Variants in PPM1H observed in about 807,000 individuals in gnomAD.
PPM1H encodes protein phosphatase, Mg2+/Mn2+ dependent 1H.
A neutral mutation model predicts 54.9 loss-of-function variants in PPM1H; 27 were observed. That is an observed-to-expected ratio of 0.49 (90% CI 0.36 to 0.68). The LOEUF (loss-of-function observed/expected upper bound fraction) is 0.68, where lower values mean the gene tolerates loss of function less well. Among genes scored for constraint, PPM1H ranks in the 30% least tolerant of loss-of-function variants. The pLI is 0.00. For synonymous variants in PPM1H, 305 were observed against 270.8 expected, an observed-to-expected ratio of 1.13 and a Z score of -1.24; for missense variants, 596 against 667.8, an observed-to-expected ratio of 0.89 and a Z score of 1.19.
intron 2 of PPM1H, among the ~76,000 whole-genome samples, chr12:62,809,394 AC>A (rs1225897646): frequency 1.6e-4 from 25 of 152,172 alleles, no homozygotes; most frequent in African/African-American, 5.8e-4. Flanking sequence ...CTTCTTTCCT[AC>A]CTGGTTCTCC....
In PPM1H at chr12:62,645,034, C is replaced by G. The variant is rs1340722129; in HGVS notation, c.*3455G>C. Reference sequence around the variant, plus strand: ...AACCTGTGGAAGGAAAACCAGTGACCACTTGTGGCCTTATAAAGTTGATTG... The same window carrying G: ...AACCTGTGGAAGGAAAACCAGTGACGACTTGTGGCCTTATAAAGTTGATTG... On this transcript the variant is annotated 3_prime_UTR_variant, in exon 10 of 10. Transcript: ENST00000228705. The G allele has an allele frequency of 1.3e-5, 2 of 152,208 alleles. No individual in the cohort carries two copies. Among genetic ancestry groups the G allele is most frequent in the Non-Finnish European group, 2.9e-5 (2 of 68,044 alleles). The allele number at this position is 152,208 out of a possible 1,614,324, so 9.4% of individuals were successfully genotyped here. A position where few individuals can be genotyped will look rare whatever the true frequency, so the allele number is the denominator to read the frequency against.
chr12:62,670,504 T>G (rs1280221870), intron 8 of PPM1H, among the ~76,000 whole-genome samples: 2 of 152,068 alleles, frequency 1.3e-5, no homozygotes, highest in Non-Finnish European at 2.9e-5. Context: ...ATGAGTAGGG[T>G]GCCAAACCCT....
At chr12:62,855,101 G>A (rs2120948563) in intron 1 of PPM1H, among the ~76,000 whole-genome samples, 1 of 151,764 alleles carries the variant, frequency 6.6e-6, no homozygotes, top group South Asian at 2.1e-4. Context: ...GATAAAGAAT[G>A]TACTGATCCC....
intron 9 of PPM1H, among the ~76,000 whole-genome samples, chr12:62,656,117 T>C (rs549267504): frequency 1.3e-5 from 2 of 152,350 alleles, no homozygotes; most frequent in Admixed American, 6.5e-5. Flanking sequence ...AAATCCTCGA[T>C]TGTCCTCTTG....
At chr12:62,736,492 G>A (rs2076350168) in intron 5 of PPM1H, among the ~76,000 whole-genome samples, 1 of 152,136 alleles carries the variant, frequency 6.6e-6, no homozygotes, top group South Asian at 2.1e-4. Flanking sequence ...CAGTCATTTT[G>A]GATTCCTGCT....
At chr12:62,676,830 A>G (rs2075989614) in intron 8 of PPM1H, among the ~76,000 whole-genome samples, 1 of 152,134 alleles carries the variant, frequency 6.6e-6, no homozygotes, top group South Asian at 2.1e-4. Flanking sequence ...TGGCAGCAGG[A>G]AGCACACAGG....
intron 2 of PPM1H, among the ~76,000 whole-genome samples, chr12:62,807,772 A>T (rs2076813625): frequency 6.6e-6 from 1 of 152,230 alleles, no homozygotes; most frequent in Non-Finnish European, 1.5e-5. Flanking sequence ...AGTTCAGCTC[A>T]GCTGTTAAAA....
chr12:62,931,465 G>A (rs796644513), intron 1 of PPM1H, among the ~76,000 whole-genome samples: 13 of 152,266 alleles, frequency 8.5e-5, no homozygotes, highest in African/African-American at 3.1e-4. Context: ...GATCATTCAG[G>A]ATGCATTTTT....
At chr12:62,796,904 AATCCTG>A (rs2076737482) in intron 3 of PPM1H, among the ~76,000 whole-genome samples, 1 of 152,180 alleles carries the variant, frequency 6.6e-6, no homozygotes, top group Non-Finnish European at 1.5e-5. Flanking sequence ...ACAGCCCTCT[AATCCTG>A]CCTTGGTCTT....
intron 1 of PPM1H, among the ~76,000 whole-genome samples, chr12:62,885,868 G>T (rs749806516): frequency 3.6e-4 from 55 of 152,214 alleles, no homozygotes; most frequent in Non-Finnish European, 5.9e-4. Flanking sequence ...TGTTGAATTT[G>T]CCAGTTCATG....
chr12:62,913,540 A>G (rs944480584), intron 1 of PPM1H, among the ~76,000 whole-genome samples: 1 of 152,100 alleles, frequency 6.6e-6, no homozygotes, highest in African/African-American at 2.4e-5. Context: ...TTTATGGTTC[A>G]GCTCCTGACT....
intron 5 of PPM1H, among the ~76,000 whole-genome samples, chr12:62,736,474 T>G (rs1001255241): frequency 2.0e-5 from 3 of 152,254 alleles, no homozygotes; most frequent in African/African-American, 7.2e-5. Flanking sequence ...ATTGAAGTAC[T>G]GTTTTTACAG....
chr12:62,755,980 A>G lies in PPM1H; in HGVS notation c.870-18394T>C, dbSNP rs962114692. ...TGGGCCTGAACTGCTGTCTGGAAAA[A>G]CTGCCAAATATGATGACATCAAGAA... On this transcript the variant is annotated intron_variant, in intron 4 of 9. Transcript: ENST00000228705. The G allele has an allele frequency of 8.1e-6, 10 of 1,234,562 alleles. No individual in the cohort carries two copies. In the African/African-American group the frequency reaches 1.3e-4, roughly 17 times the overall value. The allele number at this position is 1,234,562 out of a possible 1,614,324, so 76.5% of individuals were successfully genotyped here.
At chr12:62,781,124 G>A (rs907176663) in intron 4 of PPM1H, among the ~76,000 whole-genome samples, 31 of 152,184 alleles carry the variant, frequency 2.0e-4, no homozygotes, top group Non-Finnish European at 4.4e-5. Context: ...TCCAGACAAG[G>A]GAATGGAGGC....
intron 5 of PPM1H, among the ~76,000 whole-genome samples, chr12:62,727,655 T>TTATTATTA (rs1555192240): frequency 6.8e-6 from 1 of 147,634 alleles, no homozygotes; most frequent in South Asian, 2.1e-4. Flanking sequence ...ATTATTATTA[T>TTATTATTA]TATTATTATT....
At chr12:62,920,869 C>T (rs1871774962) in intron 1 of PPM1H, among the ~76,000 whole-genome samples, 1 of 151,974 alleles carries the variant, frequency 6.6e-6, no homozygotes, top group South Asian at 2.1e-4. Context: ...CATAGCAGAC[C>T]ACTTAAATAT....
rs1429966793 is a variant in PPM1H at position 62,788,223 on chromosome 12, T to C, written c.869+3A>G. 1 of 1,565,846 alleles carries C rather than the reference T, an allele frequency of 6.4e-7. No homozygotes were observed. The highest frequency in any genetic ancestry group is 8.7e-7 in the Non-Finnish European group (1 of 1,146,316). ...GCAAGAATCAGACAGCTCATCTGCT[T>C]ACCTGCTATCCCCAGCATTTGCAAC... On this transcript the variant is annotated splice_donor_region_variant and intron_variant, in intron 4 of 9. Coordinates refer to ENST00000228705, the MANE Select transcript of PPM1H (RefSeq NM_020700.2).
rs187901027 is a variant in PPM1H, at chr12:62,730,638, G to A, written c.954+6864C>T. ...AAAGTAATCAAAATACGAATTTTCC[G>A]TGTACAATACAAAACTTTTTTTTTT... On this transcript the variant is annotated intron_variant, in intron 5 of 9. Coordinates refer to ENST00000228705, the MANE Select transcript of PPM1H (RefSeq NM_020700.2). 9.2e-5 allele frequency among the ~76,000 whole-genome samples: 14 copies of A among 151,954 alleles called. No individual in the cohort carries two copies. In the East Asian group the frequency reaches 1.9e-3, roughly 21 times the overall value.
intron 2 of PPM1H, among the ~76,000 whole-genome samples, chr12:62,820,766 T>C (rs2076898349): frequency 6.6e-6 from 1 of 152,014 alleles, no homozygotes; most frequent in South Asian, 2.1e-4. Context: ...CATCTGTAGG[T>C]CACTAGCATC....
Sources: gnomAD v4.1 joint callset for allele counts (sites outside exome capture counted in the v4.1 genomes callset) on GRCh38, gnomAD v4.1.1 for gene constraint, MANE v1.5 for transcripts, NCBI Gene and HGNC (gene_info 2026-07-23, HGNC 2026-07-21) for gene names.